PLPP4: variants seen among roughly 807,000 people sequenced by gnomAD.
The protein encoded by PLPP4 is phospholipid phosphatase 4, also known as diacylglycerol pyrophosphate like 2.
PLPP4 carries 20 observed loss-of-function variants against 32.2 expected under a neutral mutation model. The observed-to-expected ratio is 0.62, with a 90% confidence interval of 0.44 to 0.90. The LOEUF (loss-of-function observed/expected upper bound fraction) is 0.90. PLPP4 is among the 40% of genes least tolerant of loss of function. The pLI is 0.00. For missense variants in PLPP4, 257 were observed against 353.1 expected (o/e 0.73, Z 2.18); for synonymous variants, 127 against 133.0 (o/e 0.95, Z 0.31).
chr10:120,523,951 G>A (rs1228696488), intron 5 of PLPP4, among the ~76,000 whole-genome samples: 1 of 152,142 alleles, frequency 6.6e-6, no homozygotes, highest in Non-Finnish European at 1.5e-5. Context: ...TTTCAGATGC[G>A]CACCCTCCCC....
At chr10:120,579,456 G>T (rs1301728656) in intron 6 of PLPP4, among the ~76,000 whole-genome samples, 1 of 152,174 alleles carries the variant, frequency 6.6e-6, no homozygotes, top group Non-Finnish European at 1.5e-5. Context: ...AGACTGGGCT[G>T]TGAAGGGTCT....
At position 120,551,967 on chromosome 10, in the gene PLPP4, A is replaced by G. The variant is rs1847921237; in HGVS notation, c.446-23164A>G. Reference sequence around the variant, plus strand: ...TTCCTAACTTTTTTTTACAATTTGTAATTATTTCTCTGTAAATTCCATAAG... The same window carrying G: ...TTCCTAACTTTTTTTTACAATTTGTGATTATTTCTCTGTAAATTCCATAAG... On this transcript the variant is annotated intron_variant, in intron 5 of 6. Coordinates refer to ENST00000398250, the MANE Select transcript of PLPP4 (RefSeq NM_001030059.3). Among the ~76,000 whole-genome samples, 3 of 152,170 alleles carry G rather than the reference A, an allele frequency of 2.0e-5. No individual in the cohort carries two copies. The South Asian group carries it at 6.2e-4, about 32-fold the overall frequency.
chr10:120,577,832 G>A (rs559197623), intron 6 of PLPP4, among the ~76,000 whole-genome samples: 13 of 152,256 alleles, frequency 8.5e-5, no homozygotes, highest in African/African-American at 2.6e-4. Context: ...TGCTCTAAAG[G>A]GCTCTGAGTC....
intron 5 of PLPP4, among the ~76,000 whole-genome samples, chr10:120,529,863 G>C (rs923793999): frequency 6.6e-6 from 1 of 152,224 alleles, no homozygotes; most frequent in Non-Finnish European, 1.5e-5. Context: ...GAGGTGGGTA[G>C]ATCACATGAA....
In PLPP4 at chr10:120,478,825, C is replaced by A. The variant is rs1278984205; in HGVS notation, c.56+21464C>A. Among the ~76,000 whole-genome samples, 5 of 152,166 alleles carry A rather than the reference C, an allele frequency of 3.3e-5. No individual in the cohort carries two copies. In the East Asian group the frequency reaches 9.6e-4, roughly 29 times the overall value. On this transcript the variant is annotated intron_variant, in intron 1 of 6. Transcript: ENST00000398250. ...CAGCCAGTCTGCTGGTGTTGGACACCCAGTTTTTAGTTGATGTAGTTAACA... is the reference window on the plus strand; with the variant it reads ...CAGCCAGTCTGCTGGTGTTGGACACACAGTTTTTAGTTGATGTAGTTAACA...
rs148134821 is a variant in PLPP4, at chr10:120,590,071, T to A, written c.*569T>A. On this transcript the variant is annotated 3_prime_UTR_variant, in exon 7 of 7. Coordinates refer to ENST00000398250, the MANE Select transcript of PLPP4 (RefSeq NM_001030059.3). ...TTTCCAGGGCTTTTGAATCATTGAA[T>A]CTGGAAGCAAATAAAATTAATAACT... Among the ~76,000 whole-genome samples the A allele has an allele frequency of 2.0e-5, 3 of 152,298 alleles. No homozygotes were observed. The highest frequency in any genetic ancestry group is 4.8e-5 in the African/African-American group (2 of 41,562).
intron 1 of PLPP4, among the ~76,000 whole-genome samples, chr10:120,491,291 A>G (rs1334275595): frequency 6.6e-6 from 1 of 152,196 alleles, no homozygotes; most frequent in African/African-American, 2.4e-5. Flanking sequence ...CACTTTCGCC[A>G]GTACCTCATC....
At chr10:120,528,189 C>T (rs1846511640) in intron 5 of PLPP4, among the ~76,000 whole-genome samples, 1 of 151,450 alleles carries the variant, frequency 6.6e-6, no homozygotes, top group African/African-American at 2.4e-5. Context: ...ATTCTCCTGC[C>T]TCCGCCTCCC....
chr10:120,487,837 A>G (rs934925163), intron 1 of PLPP4, among the ~76,000 whole-genome samples: 1 of 152,244 alleles, frequency 6.6e-6, no homozygotes, highest in African/African-American at 2.4e-5. Flanking sequence ...TTAGCAGCTA[A>G]GCCAAGGATA....
intron 5 of PLPP4, among the ~76,000 whole-genome samples, chr10:120,547,116 G>A (rs928507650): frequency 2.0e-5 from 3 of 151,840 alleles, no homozygotes; most frequent in Admixed American, 6.6e-5. Flanking sequence ...CTTTAAGAAT[G>A]ATGAACATAG....
chr10:120,577,236 T>C (rs1849264293), intron 6 of PLPP4, among the ~76,000 whole-genome samples: 1 of 152,190 alleles, frequency 6.6e-6, no homozygotes, highest in African/African-American at 2.4e-5. Flanking sequence ...AGGTTTTCAC[T>C]TTTATTCAAC....
chr10:120,484,731 G>T (rs1333093345), intron 1 of PLPP4, among the ~76,000 whole-genome samples: 1 of 152,182 alleles, frequency 6.6e-6, no homozygotes, highest in Non-Finnish European at 1.5e-5. Context: ...AAAAATGGAA[G>T]AATAATGTTC....
chr10:120,503,746 G>T (rs1469163623), intron 1 of PLPP4, 72 bp from the exon 2 acceptor site: 5 of 1,589,442 alleles, frequency 3.1e-6, no homozygotes, highest in South Asian at 1.1e-5. Flanking sequence ...TGCATAGAAG[G>T]GGGGCCTCCT....
At chr10:120,503,014 G>A (rs191774349) in intron 1 of PLPP4, among the ~76,000 whole-genome samples, 1 of 152,268 alleles carries the variant, frequency 6.6e-6, no homozygotes, top group African/African-American at 2.4e-5. Flanking sequence ...TCCCCAATCT[G>A]CTAGTCTCTC....
At chr10:120,558,551 G>T (rs1033410342) in intron 5 of PLPP4, among the ~76,000 whole-genome samples, 1 of 151,788 alleles carries the variant, frequency 6.6e-6, no homozygotes, top group Non-Finnish European at 1.5e-5. Flanking sequence ...GAGTAGCTGG[G>T]ATTACAGGTG....
intron 5 of PLPP4, among the ~76,000 whole-genome samples, chr10:120,572,927 T>C (rs1849012604): frequency 6.6e-6 from 1 of 152,196 alleles, no homozygotes; most frequent in South Asian, 2.1e-4. Flanking sequence ...CCATGCAGTT[T>C]CTTCTCACAT....
rs1844523708 is a variant in PLPP4 at position 120,487,673 on chromosome 10, G to C, written c.57-16145G>C. The stretch of plus-strand genomic sequence containing the variant: ...AATTCAGCACCTGGAATGTAGAAGG[G>C]GTGCTGAAACTTTTGGCTTCTCCAT... On this transcript the variant is annotated intron_variant, in intron 1 of 6. Transcript: ENST00000398250. Among the ~76,000 whole-genome samples the C allele has an allele frequency of 5.3e-5, 8 of 152,122 alleles. No individual in the cohort carries two copies. The South Asian group carries it at 1.7e-3, about 32-fold the overall frequency.
At chr10:120,486,341 C>T (rs1422848253) in intron 1 of PLPP4, among the ~76,000 whole-genome samples, 3 of 152,076 alleles carry the variant, frequency 2.0e-5, no homozygotes, top group Non-Finnish European at 4.4e-5. Flanking sequence ...CTGCCTCCGC[C>T]TCCATGTCTA....
At chr10:120,580,669 AC>A (rs375131122) in intron 6 of PLPP4, among the ~76,000 whole-genome samples, 7,574 of 145,904 alleles carry the variant, frequency 0.052, 255 homozygotes, top group Admixed American at 0.099. Context: ...ACACACACAC[AC>A]ACACACACAC....
Sources: allele counts gnomAD v4.1 joint callset (sites outside exome capture counted in the v4.1 genomes callset), GRCh38; gene constraint gnomAD v4.1.1; transcripts MANE v1.5; gene names NCBI Gene and HGNC (gene_info 2026-07-23, HGNC 2026-07-21).